Variants in TNK2 observed in about 807,000 individuals in gnomAD.
TNK2 encodes the protein tyrosine kinase non receptor 2.
TNK2 carries 83 observed loss-of-function variants against 101.8 expected under a neutral mutation model. The ratio of observed to expected loss-of-function variants is 0.82; its 90% CI spans 0.68 to 0.98. The LOEUF (loss-of-function observed/expected upper bound fraction) is 0.98, where lower values mean the gene tolerates loss of function less well. Among genes scored for constraint, TNK2 ranks in the 50% least tolerant of loss-of-function variants. The probability of loss-of-function intolerance (pLI) is 0.00; values close to 1 mark genes in which losing one functional copy is unlikely to be tolerated. For missense variants in TNK2, 1,665 were observed against 1,483.2 expected, an observed-to-expected ratio of 1.12 and a Z score of -2.01; for synonymous variants, 804 against 633.0, an observed-to-expected ratio of 1.27 and a Z score of -4.06.
chr3:195,869,912 C>T (rs763244091), intron 11 of TNK2: 23 of 560,948 alleles, frequency 4.1e-5, no homozygotes, highest in Admixed American at 9.9e-5. Flanking sequence ...AGACCCAGCC[C>T]GAGGAGGCCC....
At chr3:195,868,839 T>C (rs1742762522) in intron 12 of TNK2, 130 bp from the exon 13 acceptor site, 14 of 1,157,950 alleles carry the variant, frequency 1.2e-5, no homozygotes, top group Non-Finnish European at 1.6e-5. Flanking sequence ...CCCCGAGGTC[T>C]GAGGTCAGCC....
In TNK2 at chr3:195,868,258, C is replaced by T. The variant is rs1412715211; in HGVS notation, c.2040G>A (p.Gln680=). The change falls in exon 13 of 16, where the codon CAG becomes CAA. Residue 680 remains glutamine (Q), a synonymous_variant. Coordinates refer to ENST00000672887, the MANE Select transcript of TNK2 (RefSeq NM_001382273.1). ...VGAGVPAGPS[Q]GQTNYAFVPE... ...GCACAAAGGCGTAGTTGGTCTGGCC[C>T]TGGCTGGGCCCGGCAGGGACCCCCG... 6.2e-7 allele frequency: 1 copy of T among 1,604,734 alleles called. No individual in the cohort carries two copies. Among genetic ancestry groups the T allele is most frequent in the Admixed American group, 1.7e-5 (1 of 59,920 alleles).
At chr3:195,865,307 G>A (rs2149158997) in intron 15 of TNK2, among the ~76,000 whole-genome samples, 1 of 142,566 alleles carries the variant, frequency 7.0e-6, no homozygotes, top group Non-Finnish European at 1.5e-5. Flanking sequence ...AGAACCACCC[G>A]AGACAGTGAC....
chr3:195,906,789 A>G (rs952414075), intron 1 of TNK2, among the ~76,000 whole-genome samples: 3 of 152,226 alleles, frequency 2.0e-5, no homozygotes, highest in African/African-American at 7.2e-5. Context: ...ACAAACAAAA[A>G]GAAACACTGC....
intron 9 of TNK2, 46 bp from the exon 10 acceptor site, chr3:195,872,516 G>A: frequency 1.3e-6 from 2 of 1,538,994 alleles, no homozygotes; most frequent in Admixed American, 1.9e-5. Context: ...TGGCGGGGCA[G>A]CCCCGGCACT....
chr3:195,872,610 C>A, intron 9 of TNK2, 140 bp from the exon 10 acceptor site: 1 of 865,424 alleles, frequency 1.2e-6, no homozygotes, highest in Non-Finnish European at 1.7e-6. Flanking sequence ...CACCGGCCCT[C>A]CTCCCCAACA....
rs1359997092 is a variant in TNK2, at chr3:195,878,358, A to C, written c.1162-11T>G. ...GTCTGTGGGCTGGGCCTGGAGGAAG[A>C]GGAAGGTCGTGGCCAACTCTGGGAC... On this transcript the variant is annotated splice_polypyrimidine_tract_variant and intron_variant, in intron 8 of 15. Coordinates refer to ENST00000672887, the MANE Select transcript of TNK2 (RefSeq NM_001382273.1). The surrounding 1 kb of genome is among the most constrained non-coding windows in gnomAD (Gnocchi z 4.7). 1 of 1,613,894 alleles carries C rather than the reference A, an allele frequency of 6.2e-7. No homozygotes were observed. The highest frequency in any genetic ancestry group is 8.5e-7 in the Non-Finnish European group (1 of 1,179,964).
chr3:195,874,589 G>T (rs1435593932), intron 9 of TNK2, among the ~76,000 whole-genome samples: 14 of 100,932 alleles, frequency 1.4e-4, no homozygotes, highest in Non-Finnish European at 2.5e-4. Flanking sequence ...TCCCCCTCGG[G>T]ATGGCGCCCA....
In TNK2 at chr3:195,888,425, C is replaced by T. The variant is rs774086873; in HGVS notation, c.163+1G>A. 1.2e-6 allele frequency: 2 copies of T among 1,612,360 alleles called. No homozygotes were observed. The highest frequency in any genetic ancestry group is 1.1e-5 in the South Asian group (1 of 90,984). On this transcript the variant is annotated splice_donor_variant, in intron 2 of 15. Coordinates refer to ENST00000672887, the MANE Select transcript of TNK2 (RefSeq NM_001382273.1). LOFTEE classifies it high-confidence loss of function. This position sits in a 1 kb window ranked among gnomAD's most constrained non-coding sequence, Gnocchi z 5.3. ...ACAAGCCAGGCCAACATCCCACCTA[C>T]CAGGCCGACCCATGCCGATCTTCTC... is the stretch of plus-strand genomic sequence containing the variant.
intron 9 of TNK2, among the ~76,000 whole-genome samples, chr3:195,877,318 C>T (rs192760937): frequency 6.6e-5 from 10 of 152,230 alleles, no homozygotes; most frequent in African/African-American, 1.9e-4. Flanking sequence ...TGGGAAGGCT[C>T]GGGGTGTCGG....
intron 9 of TNK2, among the ~76,000 whole-genome samples, chr3:195,873,839 G>A (rs1747216773): frequency 1.3e-5 from 2 of 152,094 alleles, no homozygotes; most frequent in African/African-American, 4.8e-5. Context: ...GGCGCGGGGC[G>A]CGGGGAGACG....
chr3:195,901,754 A>C (rs1180093171), intron 1 of TNK2, among the ~76,000 whole-genome samples: 1 of 152,210 alleles, frequency 6.6e-6, no homozygotes, highest in Non-Finnish European at 1.5e-5. Context: ...CCACTTTACA[A>C]ATATGGAAAC....
intron 1 of TNK2, among the ~76,000 whole-genome samples, chr3:195,903,335 C>T (rs1280653878): frequency 2.0e-5 from 3 of 152,202 alleles, no homozygotes; most frequent in African/African-American, 4.8e-5. Flanking sequence ...CCACCGCGCC[C>T]GGCCAGCTAA....
intron 9 of TNK2, chr3:195,872,671 C>A: frequency 1.7e-6 from 1 of 579,328 alleles, no homozygotes; most frequent in Non-Finnish European, 3.0e-6. Context: ...CACGGCCTTA[C>A]CCACAACTCT....
At chr3:195,892,831 TCTCC>T in intron 1 of TNK2, 8 of 798,708 alleles carry the variant, frequency 1.0e-5, no homozygotes, top group Admixed American at 7.6e-5. Flanking sequence ...TCTCTCCCTC[TCTCC>T]CTCCCTCCCC....
chr3:195,901,975 G>C (rs1761252880), intron 1 of TNK2, among the ~76,000 whole-genome samples: 1 of 152,156 alleles, frequency 6.6e-6, no homozygotes, highest in Non-Finnish European at 1.5e-5. Flanking sequence ...TCTGAAGAAG[G>C]GACAGGGGTT....
chr3:195,866,987 C>T lies in TNK2; in HGVS notation c.3063G>A (p.Arg1021=), dbSNP rs1226372939. The part of the protein sequence containing the change: ...KVEQLFGLGL[R]PRGECHKVLE... Reference sequence around the variant, plus strand: ...GCACTTTGTGGCACTCCCCTCTGGGCCGCAGACCCAGCCCGAAGAGCTGCT... The same window carrying T: ...GCACTTTGTGGCACTCCCCTCTGGGTCGCAGACCCAGCCCGAAGAGCTGCT... Residue 1021 remains arginine, a synonymous_variant, in exon 15 of 16, where the codon CGG becomes CGA. Coordinates refer to ENST00000672887, the MANE Select transcript of TNK2 (RefSeq NM_001382273.1). 6.2e-6 allele frequency: 10 copies of T among 1,613,078 alleles called. No homozygotes were observed. Among genetic ancestry groups the T allele is most frequent in the African/African-American group, 1.3e-5 (1 of 74,942 alleles).
chr3:195,896,391 C>T, intron 1 of TNK2: 2 of 309,264 alleles, frequency 6.5e-6, no homozygotes, highest in Non-Finnish European at 1.3e-5. Flanking sequence ...CTAGGTGAGG[C>T]TCCCTCTACG....
intron 9 of TNK2, chr3:195,876,678 G>T (rs1041746169): frequency 2.2e-6 from 1 of 454,392 alleles, no homozygotes; most frequent in Non-Finnish European, 4.4e-6. Flanking sequence ...GGCCCAGGGG[G>T]AAGGAGCCCC....
Sources: gnomAD v4.1 joint callset for allele counts (sites outside exome capture counted in the v4.1 genomes callset) on GRCh38, gnomAD v4.1.1 for gene constraint, Gnocchi (gnomAD v3.1) non-coding constraint, MANE v1.5 for transcripts, NCBI Gene and HGNC (gene_info 2026-07-23, HGNC 2026-07-21) for gene names.